ASTN1: variants seen among roughly 807,000 people sequenced by gnomAD.
ASTN1 encodes the protein astrotactin-1.
In ASTN1, 41 loss-of-function variants were observed where a neutral mutation model predicts 140.7. That is an observed-to-expected ratio of 0.29 (90% CI 0.23 to 0.38). ASTN1 has a LOEUF of 0.38. Among genes scored for constraint, ASTN1 ranks in the 10% least tolerant of loss-of-function variants. ASTN1 has a pLI of 1.00. For synonymous variants in ASTN1, 640 were observed against 652.2 expected, an observed-to-expected ratio of 0.98 and a Z score of 0.29; for missense variants, 1,479 against 1,678.8, an observed-to-expected ratio of 0.88 and a Z score of 2.08.
chr1:177,106,515 T>C (rs1680550936), intron 1 of ASTN1, among the ~76,000 whole-genome samples: 1 of 152,180 alleles, frequency 6.6e-6, no homozygotes. Context: ...CTATTTCTAC[T>C]CTTTGTAGAG....
intron 1 of ASTN1, among the ~76,000 whole-genome samples, chr1:177,117,720 C>G (rs748210281): frequency 1.3e-4 from 20 of 152,196 alleles, no homozygotes; most frequent in Non-Finnish European, 2.9e-4. Flanking sequence ...CTGGACCACT[C>G]ACCATTTCCC....
intron 11 of ASTN1, among the ~76,000 whole-genome samples, chr1:176,950,962 G>A (rs769854373): frequency 3.9e-5 from 6 of 152,110 alleles, no homozygotes; most frequent in Admixed American, 2.6e-4. Flanking sequence ...GCTGCTGCAG[G>A]TGTGCCTCTG....
At chr1:176,966,801 A>G (rs1330546284) in intron 8 of ASTN1, among the ~76,000 whole-genome samples, 1 of 151,910 alleles carries the variant, frequency 6.6e-6, no homozygotes, top group Non-Finnish European at 1.5e-5. Flanking sequence ...TATTTATTGT[A>G]ATTAGCATAG....
chr1:177,038,245 C>T (rs754609473), intron 2 of ASTN1, among the ~76,000 whole-genome samples: 1 of 152,250 alleles, frequency 6.6e-6, no homozygotes, highest in Non-Finnish European at 1.5e-5. Context: ...TCTAGTCTCA[C>T]TGCACTTTCC....
chr1:177,098,669 C>T (rs2205785), intron 1 of ASTN1, among the ~76,000 whole-genome samples: 8,612 of 152,098 alleles, frequency 0.057, 273 homozygotes, highest in Admixed American at 0.069. Context: ...AGGTAGAAAG[C>T]AGAAGGACAA....
intron 1 of ASTN1, among the ~76,000 whole-genome samples, chr1:177,101,328 A>G (rs1458186617): frequency 1.3e-5 from 2 of 152,194 alleles, no homozygotes; most frequent in Non-Finnish European, 2.9e-5. Flanking sequence ...AGTAGGATGG[A>G]TAAATACAGT....
chr1:176,996,516 T>C (rs534581053), intron 8 of ASTN1, among the ~76,000 whole-genome samples: 1 of 152,216 alleles, frequency 6.6e-6, no homozygotes, highest in Non-Finnish European at 1.5e-5. Context: ...GGAAGTTTAA[T>C]TGCTAAATTG....
chr1:176,973,413 C>G (rs145347487), intron 8 of ASTN1, among the ~76,000 whole-genome samples: 38 of 152,270 alleles, frequency 2.5e-4, no homozygotes, highest in Admixed American at 5.9e-4. Context: ...CTTCATCATA[C>G]TTGTCTGAAA....
intron 16 of ASTN1, among the ~76,000 whole-genome samples, chr1:176,910,951 C>T (rs1670211594): frequency 6.6e-6 from 1 of 152,150 alleles, no homozygotes; most frequent in Non-Finnish European, 1.5e-5. Context: ...GAATCATCCC[C>T]AAACCATCCC....
intron 8 of ASTN1, among the ~76,000 whole-genome samples, chr1:176,986,981 G>A (rs746217096): frequency 2.0e-5 from 3 of 152,096 alleles, no homozygotes; most frequent in Non-Finnish European, 4.4e-5. Context: ...GGGGGCAAGC[G>A]TGGATTTTGA....
chr1:176,985,667 A>G (rs1282667861), intron 8 of ASTN1, among the ~76,000 whole-genome samples: 1 of 152,070 alleles, frequency 6.6e-6, no homozygotes, highest in East Asian at 1.9e-4. Flanking sequence ...TCCTCTGCCC[A>G]AAGCTCCAGT....
intron 8 of ASTN1, among the ~76,000 whole-genome samples, chr1:177,006,475 T>G (rs1340495901): frequency 6.6e-6 from 1 of 152,032 alleles, no homozygotes; most frequent in Non-Finnish European, 1.5e-5. Context: ...AACCTAGTAT[T>G]TTTAGACTGA....
chr1:176,892,320 A>G (rs1571467004), intron 17 of ASTN1, among the ~76,000 whole-genome samples: 1 of 152,284 alleles, frequency 6.6e-6, no homozygotes, highest in Non-Finnish European at 1.5e-5. Flanking sequence ...CTTTAATGGG[A>G]TAGTAGCCTG....
intron 1 of ASTN1, among the ~76,000 whole-genome samples, chr1:177,141,664 G>C (rs1682476468): frequency 6.6e-6 from 1 of 152,144 alleles, no homozygotes; most frequent in Non-Finnish European, 1.5e-5. Flanking sequence ...CAAGCATCTT[G>C]ACCATACCTA....
chr1:177,134,019 A>G (rs2102208863), intron 1 of ASTN1, among the ~76,000 whole-genome samples: 1 of 152,304 alleles, frequency 6.6e-6, no homozygotes, highest in East Asian at 1.9e-4. Context: ...ATGTGTGTTG[A>G]AAGCATTTAT....
At chr1:176,895,001 C>T (rs982482147) in intron 16 of ASTN1, among the ~76,000 whole-genome samples, 171 bp from the exon 17 acceptor site, 5 of 152,182 alleles carry the variant, frequency 3.3e-5, no homozygotes, top group South Asian at 2.1e-4. Context: ...AACCTCCCAG[C>T]GACACACAGA....
At chr1:177,115,722 A>G (rs1681054092) in intron 1 of ASTN1, among the ~76,000 whole-genome samples, 1 of 152,008 alleles carries the variant, frequency 6.6e-6, no homozygotes, top group African/African-American at 2.4e-5. Context: ...ATGTATGCTC[A>G]TTGTTTAAAA....
At chr1:176,877,683 T>C (rs1571444891) in intron 20 of ASTN1, among the ~76,000 whole-genome samples, 1 of 152,224 alleles carries the variant, frequency 6.6e-6, no homozygotes, top group Non-Finnish European at 1.5e-5. Flanking sequence ...CAAGGGCCTC[T>C]GATAACCAAC....
At chr1:177,017,946 G>A (rs1675642185) in intron 7 of ASTN1, among the ~76,000 whole-genome samples, 1 of 152,192 alleles carries the variant, frequency 6.6e-6, no homozygotes, top group Admixed American at 6.5e-5. Flanking sequence ...CCTCAGACAT[G>A]GCTGGGCTCA....
Sources: gnomAD v4.1 joint callset for allele counts (sites outside exome capture counted in the v4.1 genomes callset) on GRCh38, gnomAD v4.1.1 for gene constraint, MANE v1.5 for transcripts, NCBI Gene and HGNC (gene_info 2026-07-23, HGNC 2026-07-21) for gene names.